The following NEK6 variants were observed in gnomAD, a reference collection of about 807,000 sequenced individuals.
NEK6 encodes serine/threonine-protein kinase Nek6.
A neutral mutation model predicts 43.5 loss-of-function variants in NEK6; 27 were observed. The ratio of observed to expected loss-of-function variants is 0.62; its 90% CI spans 0.46 to 0.86. NEK6 has a LOEUF of 0.86. NEK6 is among the 40% of genes least tolerant of loss of function. The probability of loss-of-function intolerance (pLI) is 0.00; values close to 1 mark genes in which losing one functional copy is unlikely to be tolerated. For missense variants in NEK6, 318 were observed against 414.4 expected, an observed-to-expected ratio of 0.77 and a Z score of 2.02; for synonymous variants, 167 against 164.1, an observed-to-expected ratio of 1.02 and a Z score of -0.14.
chr9:124,292,439 C>T, intron 1 of NEK6: 1 of 1,536,696 alleles, frequency 6.5e-7, no homozygotes, highest in Non-Finnish European at 8.7e-7. Context: ...CCCCTTCCTG[C>T]CTGTGGGAAG....
At position 124,312,668 on chromosome 9, in the gene NEK6, G is replaced by C. The variant is rs375367306; in HGVS notation, c.231+19G>C. The C allele has an allele frequency of 1.9e-6, 3 of 1,600,340 alleles. No individual in the cohort carries two copies. Among genetic ancestry groups the C allele is most frequent in the Non-Finnish European group, 2.6e-6 (3 of 1,169,568 alleles). ...GGTGCAGGTGAGCTGACAACCCGTG[G>C]GGTCAAACCTGCATCTCGGGAGGTG... On this transcript the variant is annotated intron_variant, in intron 3 of 9. Transcript: ENST00000320246.
At chr9:124,274,091 CA>C (rs1452650830) in intron 1 of NEK6, among the ~76,000 whole-genome samples, 3 of 152,308 alleles carry the variant, frequency 2.0e-5, no homozygotes, top group Admixed American at 2.0e-4. Flanking sequence ...GATTGGCCGC[CA>C]GGCAGTTTTG....
chr9:124,290,184 GC>G (rs1304084445), intron 1 of NEK6, among the ~76,000 whole-genome samples: 1 of 152,236 alleles, frequency 6.6e-6, no homozygotes, highest in Non-Finnish European at 1.5e-5. Context: ...GATGCTGGGG[GC>G]TCACGGTGAC....
intron 1 of NEK6, among the ~76,000 whole-genome samples, chr9:124,293,795 C>T (rs568010518): frequency 3.9e-5 from 6 of 152,294 alleles, no homozygotes; most frequent in Non-Finnish European, 5.9e-5. Flanking sequence ...TACAGATGAC[C>T]GCGAAGGTCA....
At chr9:124,331,673 A>G (rs1029835529) in intron 7 of NEK6, among the ~76,000 whole-genome samples, 1 of 152,214 alleles carries the variant, frequency 6.6e-6, no homozygotes, top group Non-Finnish European at 1.5e-5. Context: ...GCCTCCTCTC[A>G]TGGTGTGTGT....
chr9:124,280,782 C>T (rs901157263), intron 1 of NEK6, among the ~76,000 whole-genome samples: 1 of 152,134 alleles, frequency 6.6e-6, no homozygotes, highest in African/African-American at 2.4e-5. Context: ...CTTTGCTTTG[C>T]TTTTTTCTCT....
chr9:124,292,336 T>C (rs1832463116), intron 1 of NEK6: 2 of 1,457,346 alleles, frequency 1.4e-6, no homozygotes, highest in African/African-American at 1.4e-5. Context: ...TGATGGCTGC[T>C]TTCACATTGA....
chr9:124,258,916 C>G (rs764177319), intron 1 of NEK6, among the ~76,000 whole-genome samples: 3 of 152,276 alleles, frequency 2.0e-5, no homozygotes, highest in Non-Finnish European at 4.4e-5. Flanking sequence ...CCTAAATATC[C>G]TCCAGGCTCT....
chr9:124,258,057 C>T lies in NEK6; in HGVS notation c.-58C>T. 1.0e-6 allele frequency: 1 copy of T among 979,234 alleles called. No individual in the cohort carries two copies. Among genetic ancestry groups the T allele is most frequent in the Non-Finnish European group, 1.2e-6 (1 of 827,544 alleles). 60.7% of individuals were successfully genotyped at this position (979,234 alleles called of 1,614,324 possible). ...CCCGCGGGCCAGCGCACCGGTCCCC[C>T]AGCGGCAGCCGAGCCCGCCCGCGCG... is the stretch of plus-strand genomic sequence containing the variant. On this transcript the variant is annotated 5_prime_UTR_variant, in exon 1 of 10. Coordinates refer to ENST00000320246, the MANE Select transcript of NEK6 (RefSeq NM_014397.6).
chr9:124,346,498 G>C (rs1167934409), intron 8 of NEK6, among the ~76,000 whole-genome samples: 1 of 152,230 alleles, frequency 6.6e-6, no homozygotes, highest in Non-Finnish European at 1.5e-5. Context: ...AGCCAGAGCA[G>C]GGTGGCCCCT....
In NEK6 at chr9:124,316,801, C is replaced by T. The variant is rs368452719; in HGVS notation, c.294+2816C>T. Reference sequence around the variant, plus strand: ...CCTTCCTTAACCCCCTGCCCTCAGACGTGCAGGGAAATGGGGGAGGAGTCT... The same window carrying T: ...CCTTCCTTAACCCCCTGCCCTCAGATGTGCAGGGAAATGGGGGAGGAGTCT... On this transcript the variant is annotated intron_variant, in intron 4 of 9. Coordinates refer to ENST00000320246, the MANE Select transcript of NEK6 (RefSeq NM_014397.6). Among the ~76,000 whole-genome samples the T allele has an allele frequency of 1.3e-4, 20 of 152,334 alleles. No individual in the cohort carries two copies. In the East Asian group the frequency reaches 1.9e-3, roughly 15 times the overall value.
intron 7 of NEK6, among the ~76,000 whole-genome samples, chr9:124,331,172 A>T (rs1318982565): frequency 6.9e-6 from 1 of 143,906 alleles, no homozygotes; most frequent in African/African-American, 2.5e-5. Flanking sequence ...AGGCTGAGGC[A>T]GGAGAATTGC....
At chr9:124,266,752 C>T (rs532276714) in intron 1 of NEK6, among the ~76,000 whole-genome samples, 52 of 152,314 alleles carry the variant, frequency 3.4e-4, no homozygotes, top group Admixed American at 1.2e-3. Flanking sequence ...TAAGTAGGCA[C>T]GCGGCCGGAT....
chr9:124,312,777 G>T (rs1430746778), intron 3 of NEK6, 128 bp downstream of exon 3: 2 of 948,330 alleles, frequency 2.1e-6, no homozygotes, highest in Non-Finnish European at 1.5e-6. Flanking sequence ...CAACTCACTG[G>T]GTTACAGAGA....
At position 124,275,832 on chromosome 9, in the gene NEK6, A is replaced by T. The variant is rs975990084; in HGVS notation, c.-30+17747A>T. On this transcript the variant is annotated intron_variant, in intron 1 of 9. Transcript: ENST00000320246. The surrounding 1 kb of genome is among the most constrained non-coding windows in gnomAD (Gnocchi z 4.4). ...GTTCCTCAGGCCTGTGGCCATGGGG[A>T]CAGCTGAGATGCTGAGACCACTGTG... 6.6e-6 allele frequency among the ~76,000 whole-genome samples: 1 copy of T among 152,200 alleles called. No individual in the cohort carries two copies.
At chr9:124,288,029 TC>T (rs1157315644) in intron 1 of NEK6, among the ~76,000 whole-genome samples, 1 of 152,158 alleles carries the variant, frequency 6.6e-6, no homozygotes, top group Admixed American at 6.5e-5. Context: ...TGCCATCACT[TC>T]CCAGCTCCTG....
chr9:124,347,075 G>A (rs1289759079), intron 8 of NEK6, among the ~76,000 whole-genome samples: 1 of 152,182 alleles, frequency 6.6e-6, no homozygotes, highest in Non-Finnish European at 1.5e-5. Flanking sequence ...CCACCCTGAA[G>A]GTTCCCTCCA....
At chr9:124,305,748 G>C (rs1833225271) in intron 2 of NEK6, among the ~76,000 whole-genome samples, 1 of 152,144 alleles carries the variant, frequency 6.6e-6, no homozygotes, top group African/African-American at 2.4e-5. Flanking sequence ...ACAGATGCTG[G>C]GAGAGCCCAG....
chr9:124,263,570 A>C (rs1831116082), intron 1 of NEK6, among the ~76,000 whole-genome samples: 1 of 152,234 alleles, frequency 6.6e-6, no homozygotes, highest in South Asian at 2.1e-4. Context: ...CCAAGATTAC[A>C]TGAGAGACAT....
Sources: gnomAD v4.1 joint callset for allele counts (sites outside exome capture counted in the v4.1 genomes callset) on GRCh38, gnomAD v4.1.1 for gene constraint, Gnocchi (gnomAD v3.1) non-coding constraint, MANE v1.5 for transcripts, NCBI Gene and HGNC (gene_info 2026-07-23, HGNC 2026-07-21) for gene names.